KIF16B: variants seen among roughly 807,000 people sequenced by gnomAD.
KIF16B encodes kinesin family member 16B.
KIF16B carries 98 observed loss-of-function variants against 156.3 expected under a neutral mutation model. The ratio of observed to expected loss-of-function variants is 0.63; its 90% CI spans 0.53 to 0.74. The LOEUF is 0.74. KIF16B is among the 30% of genes least tolerant of loss of function. KIF16B has a pLI of 0.00. For missense variants in KIF16B, 1,421 were observed against 1,606.5 expected, an observed-to-expected ratio of 0.88 and a Z score of 1.97; for synonymous variants, 564 against 583.7, an observed-to-expected ratio of 0.97 and a Z score of 0.49.
intron 17 of KIF16B, among the ~76,000 whole-genome samples, chr20:16,391,976 T>A (rs1420447444): frequency 6.6e-6 from 1 of 152,098 alleles, no homozygotes; most frequent in African/African-American, 2.4e-5. Context: ...TGACAAGGAG[T>A]TACAGACCAC....
intron 12 of KIF16B, among the ~76,000 whole-genome samples, chr20:16,476,585 T>C (rs2067819970): frequency 6.6e-6 from 1 of 152,160 alleles, no homozygotes; most frequent in African/African-American, 2.4e-5. Context: ...ACAATTTAAA[T>C]GCAAATGAGC....
intron 23 of KIF16B, among the ~76,000 whole-genome samples, chr20:16,342,673 C>A (rs773913774): frequency 1.3e-5 from 2 of 152,232 alleles, no homozygotes; most frequent in African/African-American, 4.8e-5. Context: ...AAATTCTTCA[C>A]TCTTGAGATT....
intron 15 of KIF16B, among the ~76,000 whole-genome samples, chr20:16,410,096 T>TATATATATGTTGGTAC (rs2065902700): frequency 4.4e-5 from 4 of 91,498 alleles, no homozygotes; most frequent in African/African-American, 2.7e-4. Flanking sequence ...TGTAGGTACA[T>TATATATATGTTGGTAC]ATATATATAT....
intron 22 of KIF16B, among the ~76,000 whole-genome samples, chr20:16,361,764 G>C (rs2064556975): frequency 6.6e-6 from 1 of 152,110 alleles, no homozygotes; most frequent in South Asian, 2.1e-4. Flanking sequence ...GCGGCCTTTG[G>C]ATAACTCCAA....
intron 22 of KIF16B, among the ~76,000 whole-genome samples, chr20:16,364,250 G>A (rs1484833933): frequency 6.6e-6 from 1 of 152,108 alleles, no homozygotes; most frequent in Admixed American, 6.5e-5. Flanking sequence ...TGTAAAACAG[G>A]CAGCTGTGCA....
intron 15 of KIF16B, among the ~76,000 whole-genome samples, chr20:16,412,479 A>G (rs1273004026): frequency 6.6e-6 from 1 of 152,178 alleles, no homozygotes; most frequent in Non-Finnish European, 1.5e-5. Context: ...AGACTGGGTA[A>G]TTTATAAAGT....
At chr20:16,505,294 T>C (rs1297221505) in intron 9 of KIF16B, among the ~76,000 whole-genome samples, 2 of 152,266 alleles carry the variant, frequency 1.3e-5, no homozygotes. Flanking sequence ...ACATAAAGTA[T>C]ACTGCTGTTA....
In KIF16B at chr20:16,379,158, T is replaced by C. The variant is rs2065026126; in HGVS notation, c.2844A>G (p.Glu948=). 1 of 1,614,074 alleles carries C rather than the reference T, an allele frequency of 6.2e-7. No individual in the cohort carries two copies. The highest frequency in any genetic ancestry group is 1.3e-5 in the African/African-American group (1 of 74,920). ...CAAGCTGTTCTTCTTTTTCTTCCAT[T>C]TCCTTTTCTACTTGATAAAGAGTGT... ...LDNTLYQVEK[E]MEEKEEQLAQ... The change falls in exon 19 of 26, where the codon GAA becomes GAG. Residue 948 remains glutamate, a synonymous_variant. Transcript: ENST00000354981.
At chr20:16,306,419 C>T (rs2122650661) in intron 25 of KIF16B, among the ~76,000 whole-genome samples, 1 of 152,236 alleles carries the variant, frequency 6.6e-6, no homozygotes, top group African/African-American at 2.4e-5. Context: ...GATCCTATGC[C>T]TCTAATCTTT....
intron 17 of KIF16B, among the ~76,000 whole-genome samples, chr20:16,393,141 C>T (rs1173102049): frequency 6.6e-6 from 1 of 152,014 alleles, no homozygotes; most frequent in African/African-American, 2.4e-5. Flanking sequence ...TGCATAATTA[C>T]AATATCTGAT....
At position 16,483,977 on chromosome 20, in the gene KIF16B, G is replaced by A. The variant is rs569291247; in HGVS notation, c.1302+10314C>T. Among the ~76,000 whole-genome samples the A allele has an allele frequency of 7.2e-5, 11 of 152,036 alleles. No individual in the cohort carries two copies. In the East Asian group the frequency reaches 9.7e-4, roughly 13 times the overall value. ...ACCAAGTTCCTACAATGCAGCATCC[G>A]CTGAGTACAAGTGTACATAAAGCAC... On this transcript the variant is annotated intron_variant, in intron 12 of 25. Transcript: ENST00000354981.
chr20:16,543,860 TCAAAGCTCCCACTA>T (rs970769121), intron 1 of KIF16B, among the ~76,000 whole-genome samples: 1 of 152,074 alleles, frequency 6.6e-6, no homozygotes, highest in African/African-American at 2.4e-5. Flanking sequence ...AGTGACTTAC[TCAAAGCTCCCACTA>T]CAGAGTCAGC....
At chr20:16,470,170 C>T (rs1370126503) in intron 12 of KIF16B, among the ~76,000 whole-genome samples, 6 of 152,110 alleles carry the variant, frequency 3.9e-5, no homozygotes, top group African/African-American at 4.8e-5. Flanking sequence ...CAGTGATTGC[C>T]AGGAATTAGC....
At chr20:16,375,876 G>A (rs1202274314) in intron 19 of KIF16B, among the ~76,000 whole-genome samples, 1 of 152,140 alleles carries the variant, frequency 6.6e-6, no homozygotes, top group Non-Finnish European at 1.5e-5. Context: ...GATGGCAAGG[G>A]ACAAGCTGGC....
chr20:16,421,325 G>C (rs573787317), intron 15 of KIF16B, among the ~76,000 whole-genome samples: 5 of 151,874 alleles, frequency 3.3e-5, no homozygotes, highest in Non-Finnish European at 7.4e-5. Flanking sequence ...TTTTCCTTTA[G>C]CTTTTTGTTT....
chr20:16,517,694 C>T (rs1214190997), intron 3 of KIF16B, among the ~76,000 whole-genome samples: 1 of 152,190 alleles, frequency 6.6e-6, no homozygotes, highest in African/African-American at 2.4e-5. Context: ...CCCAGGGGCA[C>T]TCAGGACTCC....
intron 15 of KIF16B, among the ~76,000 whole-genome samples, chr20:16,423,140 T>C (rs1288229119): frequency 6.6e-6 from 1 of 152,024 alleles, no homozygotes; most frequent in Non-Finnish European, 1.5e-5. Context: ...AAGGTTATAA[T>C]AAATGGCATA....
intron 25 of KIF16B, among the ~76,000 whole-genome samples, chr20:16,300,197 C>T (rs372575776): frequency 5.9e-5 from 9 of 152,224 alleles, no homozygotes; most frequent in Middle Eastern, 3.4e-3. Flanking sequence ...ATGATTGATT[C>T]ATATAGACAG....
chr20:16,276,477 C>G (rs1257422724), intron 25 of KIF16B, among the ~76,000 whole-genome samples: 1 of 152,196 alleles, frequency 6.6e-6, no homozygotes, highest in East Asian at 1.9e-4. Context: ...AGAGTTTTCT[C>G]TTCGCAAAAC....
Sources: allele counts gnomAD v4.1 joint callset (sites outside exome capture counted in the v4.1 genomes callset), GRCh38; gene constraint gnomAD v4.1.1; transcripts MANE v1.5; gene names NCBI Gene and HGNC (gene_info 2026-07-23, HGNC 2026-07-21).